Variants in KCNK2 observed in about 807,000 individuals in gnomAD.
KCNK2 encodes the protein potassium channel subfamily K member 2.
A neutral mutation model predicts 40.5 loss-of-function variants in KCNK2; 21 were observed. That is an observed-to-expected ratio of 0.52 (90% CI 0.37 to 0.75). The LOEUF (loss-of-function observed/expected upper bound fraction) is 0.75. Among genes scored for constraint, KCNK2 ranks in the 30% least tolerant of loss-of-function variants. KCNK2 has a pLI of 0.00. For missense variants in KCNK2, 399 were observed against 531.6 expected (o/e 0.75, Z 2.45); for synonymous variants, 191 against 202.2 (o/e 0.94, Z 0.47).
chr1:215,171,500 G>T (rs1663708874), intron 4 of KCNK2, among the ~76,000 whole-genome samples: 1 of 152,034 alleles, frequency 6.6e-6, no homozygotes, highest in South Asian at 2.1e-4. Flanking sequence ...AAAACTTTAT[G>T]AAATTAATGT....
intron 5 of KCNK2, 89 bp from the exon 6 acceptor site, chr1:215,194,864 C>T (rs1664798710): frequency 7.9e-7 from 1 of 1,267,772 alleles, no homozygotes; most frequent in East Asian, 2.5e-5. Flanking sequence ...GTTTTGCAAA[C>T]CAAAATTTAG....
chr1:215,013,302 T>C (rs955363632), intron 1 of KCNK2, among the ~76,000 whole-genome samples: 1 of 152,202 alleles, frequency 6.6e-6, no homozygotes, highest in African/African-American at 2.4e-5. Flanking sequence ...CTGTATACCA[T>C]AATTTAGTAC....
chr1:215,099,124 C>G (rs1408144682), intron 2 of KCNK2, among the ~76,000 whole-genome samples: 1 of 151,850 alleles, frequency 6.6e-6, no homozygotes, highest in Middle Eastern at 3.2e-3. Context: ...GGTATTAAGC[C>G]TAGTACCTGT....
chr1:215,011,178 A>G (rs1165689964), intron 1 of KCNK2, among the ~76,000 whole-genome samples: 1 of 152,090 alleles, frequency 6.6e-6, no homozygotes, highest in African/African-American at 2.4e-5. Flanking sequence ...GTTTGTGGTC[A>G]AAACCTCCTC....
At chr1:215,189,349 A>G (rs1664571653) in intron 5 of KCNK2, among the ~76,000 whole-genome samples, 1 of 152,224 alleles carries the variant, frequency 6.6e-6, no homozygotes, top group African/African-American at 2.4e-5. Context: ...ATTGTACTAC[A>G]TTCCGTGAAA....
At chr1:215,006,997 C>CTATATATATATATATATATA (rs199497700) in intron 1 of KCNK2, among the ~76,000 whole-genome samples, 4 of 81,696 alleles carry the variant, frequency 4.9e-5, no homozygotes, top group Admixed American at 2.5e-4. Context: ...GACCAATTCA[C>CTATATATATATATATATATA]TATATATATA....
At chr1:215,212,714 A>T (rs978327032) in intron 6 of KCNK2, among the ~76,000 whole-genome samples, 1 of 152,226 alleles carries the variant, frequency 6.6e-6, no homozygotes, top group African/African-American at 2.4e-5. Context: ...ACTTTTGCTC[A>T]GAAATGCTGG....
chr1:215,228,213 A>G (rs974267333), intron 6 of KCNK2, among the ~76,000 whole-genome samples: 1 of 152,176 alleles, frequency 6.6e-6, no homozygotes, highest in African/African-American at 2.4e-5. Context: ...GAGGAGGGTA[A>G]AGGAAAATGA....
chr1:215,164,379 T>C (rs958685988), intron 3 of KCNK2, among the ~76,000 whole-genome samples: 1 of 152,176 alleles, frequency 6.6e-6, no homozygotes, highest in Non-Finnish European at 1.5e-5. Context: ...CCTAGATTCA[T>C]TGATGTTTTG....
At chr1:215,065,464 A>G (rs1052770959) in intron 1 of KCNK2, among the ~76,000 whole-genome samples, 2 of 152,180 alleles carry the variant, frequency 1.3e-5, no homozygotes, top group African/African-American at 4.8e-5. Context: ...TGAGATATGA[A>G]ATATATTTAT....
At chr1:215,066,030 C>T (rs1385341946) in intron 1 of KCNK2, among the ~76,000 whole-genome samples, 3 of 152,086 alleles carry the variant, frequency 2.0e-5, no homozygotes, top group Admixed American at 6.6e-5. Context: ...AAACCAAACA[C>T]CATAGGTTCT....
intron 2 of KCNK2, among the ~76,000 whole-genome samples, chr1:215,104,089 G>A (rs867072418): frequency 6.6e-6 from 1 of 152,016 alleles, no homozygotes; most frequent in South Asian, 2.1e-4. Context: ...TTTCAGCAAA[G>A]TTGTATCAAA....
intron 1 of KCNK2, among the ~76,000 whole-genome samples, chr1:215,050,348 G>C (rs190385727): frequency 1.3e-5 from 2 of 152,018 alleles, no homozygotes; most frequent in Non-Finnish European, 2.9e-5. Flanking sequence ...AAAGTTTTCC[G>C]AACTCGAAGA....
At chr1:215,057,904 T>C (rs1658224580) in intron 1 of KCNK2, among the ~76,000 whole-genome samples, 2 of 151,950 alleles carry the variant, frequency 1.3e-5, no homozygotes, top group African/African-American at 4.8e-5. Flanking sequence ...ATTCAGACAA[T>C]AAATGTGTAC....
intron 6 of KCNK2, among the ~76,000 whole-genome samples, chr1:215,213,752 A>G (rs2102691569): frequency 6.6e-6 from 1 of 152,326 alleles, no homozygotes; most frequent in African/African-American, 2.4e-5. Context: ...AGGAATTGTT[A>G]GACATGTAAA....
intron 3 of KCNK2, among the ~76,000 whole-genome samples, chr1:215,140,869 C>A (rs1374966181): frequency 6.6e-6 from 1 of 152,096 alleles, no homozygotes; most frequent in Admixed American, 6.6e-5. Context: ...ACTTTATAAA[C>A]TTTTTAATGT....
intron 1 of KCNK2, among the ~76,000 whole-genome samples, chr1:215,066,216 TAACA>T (rs1380498057): frequency 1.3e-5 from 2 of 152,086 alleles, no homozygotes; most frequent in East Asian, 3.9e-4. Context: ...TATACCTATG[TAACA>T]AACCTGCATG....
At chr1:215,153,862 G>A (rs915676379) in intron 3 of KCNK2, among the ~76,000 whole-genome samples, 14 of 151,938 alleles carry the variant, frequency 9.2e-5, no homozygotes, top group African/African-American at 1.5e-4. Context: ...TTCTGTTCCC[G>A]TGTTAGTTTG....
chr1:215,163,113 G>A (rs1464524659), intron 3 of KCNK2, among the ~76,000 whole-genome samples: 1 of 152,032 alleles, frequency 6.6e-6, no homozygotes, highest in Non-Finnish European at 1.5e-5. Flanking sequence ...TTGAGCAGTG[G>A]TTTGTAGTTC....
Sources: allele counts gnomAD v4.1 joint callset (sites outside exome capture counted in the v4.1 genomes callset), GRCh38; gene constraint gnomAD v4.1.1; transcripts MANE v1.5; gene names NCBI Gene and HGNC (gene_info 2026-07-23, HGNC 2026-07-21).